SORCS3: variants seen among roughly 807,000 people sequenced by gnomAD.
SORCS3 encodes the protein VPS10 domain-containing receptor SorCS3.
SORCS3 carries 57 observed loss-of-function variants against 146.3 expected under a neutral mutation model. The observed-to-expected ratio is 0.39, with a 90% CI of 0.31 to 0.49. The LOEUF is 0.49. Among genes scored for constraint, SORCS3 ranks in the 20% least tolerant of loss-of-function variants. SORCS3 has a pLI of 0.92. For missense variants in SORCS3, 1,341 were observed against 1,575.5 expected (o/e 0.85, Z 2.52); for synonymous variants, 653 against 618.5 (o/e 1.06, Z -0.83).
intron 16 of SORCS3, among the ~76,000 whole-genome samples, chr10:105,209,536 A>AAAAC (rs1009895129): frequency 6.6e-6 from 1 of 152,184 alleles, no homozygotes; most frequent in Non-Finnish European, 1.5e-5. Context: ...ATATTGGCCA[A>AAAAC]AAACAAACAA....
intron 2 of SORCS3, among the ~76,000 whole-genome samples, chr10:104,868,184 G>A (rs2018480401): frequency 6.6e-6 from 1 of 152,202 alleles, no homozygotes; most frequent in Admixed American, 6.5e-5. Context: ...CTCTGACTAA[G>A]GGATAATGTC....
At chr10:104,882,897 T>A (rs1226801179) in intron 2 of SORCS3, among the ~76,000 whole-genome samples, 2 of 152,336 alleles carry the variant, frequency 1.3e-5, no homozygotes, top group East Asian at 3.9e-4. Context: ...TCTTGACTCC[T>A]CTCTTCCACT....
chr10:104,722,815 G>A (rs1334193761), intron 1 of SORCS3, among the ~76,000 whole-genome samples: 8 of 151,976 alleles, frequency 5.3e-5, no homozygotes, highest in Non-Finnish European at 1.2e-4. Context: ...CTGTGGGATC[G>A]GTGGTGATAT....
chr10:104,848,473 C>T (rs1162540407), intron 2 of SORCS3, among the ~76,000 whole-genome samples: 3 of 152,200 alleles, frequency 2.0e-5, no homozygotes, highest in African/African-American at 7.2e-5. Context: ...ACTTCCCTCC[C>T]TCTACAGCTG....
At chr10:104,718,390 T>A (rs1270523284) in intron 1 of SORCS3, among the ~76,000 whole-genome samples, 1 of 152,140 alleles carries the variant, frequency 6.6e-6, no homozygotes, top group Non-Finnish European at 1.5e-5. Context: ...CATAATGACA[T>A]TCATCCATTC....
intron 1 of SORCS3, among the ~76,000 whole-genome samples, chr10:104,707,575 G>A (rs915488872): frequency 6.6e-6 from 1 of 152,148 alleles, no homozygotes; most frequent in Non-Finnish European, 1.5e-5. Flanking sequence ...GCATATAATA[G>A]GAGAGAGGTG....
intron 5 of SORCS3, among the ~76,000 whole-genome samples, chr10:105,059,640 G>A (rs2055469728): frequency 6.6e-6 from 1 of 152,154 alleles, no homozygotes; most frequent in Admixed American, 6.5e-5. Flanking sequence ...CCATTGCCAT[G>A]GGACTCTCAG....
chr10:105,091,283 GCTTC>G lies in SORCS3; in HGVS notation c.1093+1458_1093+1461del, dbSNP rs1478691278. On this transcript the variant is annotated intron_variant, in intron 6 of 26. Transcript: ENST00000369701. Reference sequence around the variant, plus strand: ...TCCTTCCTTCCCTCCTTCCTTCCTTGCTTCCTTCCTTCCTTCCCTCCTTCCTTCC... The same window carrying G: ...TCCTTCCTTCCCTCCTTCCTTCCTTGCTTCCTTCCTTCCCTCCTTCCTTCC... Among the ~76,000 whole-genome samples the G allele has an allele frequency of 1.0e-3, 18 of 17,150 alleles. 1 individual carries two copies. Among genetic ancestry groups the G allele is most frequent in the Non-Finnish European group, 1.4e-3 (12 of 8,686 alleles). The allele number at this position is 17,150 out of a possible 152,430, so 11.3% of individuals were successfully genotyped here.
At chr10:105,221,832 A>C (rs1458272733) in intron 19 of SORCS3, among the ~76,000 whole-genome samples, 3 of 152,128 alleles carry the variant, frequency 2.0e-5, no homozygotes, top group Non-Finnish European at 4.4e-5. Context: ...GAAACCAAGA[A>C]AATGTGCTCT....
chr10:105,086,318 C>T (rs922118198), intron 5 of SORCS3, among the ~76,000 whole-genome samples: 94 of 152,276 alleles, frequency 6.2e-4, no homozygotes, highest in African/African-American at 2.2e-3. Flanking sequence ...CAGACCCAAA[C>T]CACAGGTGTC....
At chr10:105,054,060 C>T (rs1474685675) in intron 5 of SORCS3, among the ~76,000 whole-genome samples, 1 of 151,980 alleles carries the variant, frequency 6.6e-6, no homozygotes, top group Non-Finnish European at 1.5e-5. Context: ...TTTTAATTTG[C>T]ATTTCTTATC....
At chr10:104,643,712 GTGTGTGTGTGT>G (rs2015457275) in intron 1 of SORCS3, among the ~76,000 whole-genome samples, 1 of 124,932 alleles carries the variant, frequency 8.0e-6, no homozygotes, top group African/African-American at 3.1e-5. Context: ...TAATTAGGGT[GTGTGTGTGTGT>G]GTGTGTGTGT....
rs148959884 is a variant in SORCS3 at position 105,223,025 on chromosome 10, G to A, written c.2735-91G>A. The A allele has an allele frequency of 2.5e-4, 334 of 1,343,080 alleles. 1 individual carries two copies. The East Asian group carries it at 7.3e-3, about 29-fold the overall frequency. The allele number at this position is 1,343,080 out of a possible 1,614,324, so 83.2% of individuals were successfully genotyped here. On this transcript the variant is annotated intron_variant, in intron 19 of 26. Transcript: ENST00000369701. ...ACCCTTCCTTTTTTACAGGAGATGC[G>A]AATAGAATTTAAGGTTAAGAATCTA... is the stretch of plus-strand genomic sequence containing the variant.
intron 1 of SORCS3, among the ~76,000 whole-genome samples, chr10:104,736,220 T>C (rs2016769701): frequency 6.6e-6 from 1 of 152,200 alleles, no homozygotes. Flanking sequence ...ATTCCTGAAC[T>C]TGGCCAGTTG....
chr10:105,220,029 C>A (rs1175953698), intron 19 of SORCS3, among the ~76,000 whole-genome samples: 1 of 152,142 alleles, frequency 6.6e-6, no homozygotes, highest in East Asian at 1.9e-4. Flanking sequence ...CATTAGCTAA[C>A]AAAAGTAGTT....
At position 104,858,801 on chromosome 10, in the gene SORCS3, T is replaced by C. The variant is rs921131496; in HGVS notation, c.695+15942T>C. ...CACGCCTGGCTAATTTTTTGTGTTTTTAGTAGAGACGGGGTTTTTCCATGT... is the reference window on the plus strand; with the variant it reads ...CACGCCTGGCTAATTTTTTGTGTTTCTAGTAGAGACGGGGTTTTTCCATGT... On this transcript the variant is annotated intron_variant, in intron 2 of 26. Transcript: ENST00000369701. 2.0e-5 allele frequency among the ~76,000 whole-genome samples: 3 copies of C among 151,926 alleles called. No homozygotes were observed. The East Asian group carries it at 5.8e-4, about 29-fold the overall frequency.
At chr10:105,255,951 T>G in intron 24 of SORCS3, 150 bp downstream of exon 24, 1 of 607,338 alleles carries the variant, frequency 1.6e-6, no homozygotes, top group Non-Finnish European at 2.9e-6. Context: ...GAAGGATTGG[T>G]CACATCAGTC....
chr10:105,156,415 T>C (rs1835839093), intron 9 of SORCS3, among the ~76,000 whole-genome samples: 2 of 152,224 alleles, frequency 1.3e-5, no homozygotes, highest in South Asian at 2.1e-4. Flanking sequence ...TTTAATCCTC[T>C]AGCGGCTTGT....
intron 1 of SORCS3, among the ~76,000 whole-genome samples, chr10:104,803,456 A>G (rs2017647143): frequency 6.6e-6 from 1 of 152,148 alleles, no homozygotes; most frequent in Non-Finnish European, 1.5e-5. Context: ...AGCACTGAGC[A>G]TTGGGATTCC....
Sources: allele counts gnomAD v4.1 joint callset (sites outside exome capture counted in the v4.1 genomes callset), GRCh38; gene constraint gnomAD v4.1.1; transcripts MANE v1.5; gene names NCBI Gene and HGNC (gene_info 2026-07-23, HGNC 2026-07-21).